The following ITPKC variants were observed in gnomAD, a reference collection of about 807,000 sequenced individuals.
The protein encoded by ITPKC is inositol-trisphosphate 3-kinase C.
A neutral mutation model predicts 67.1 loss-of-function variants in ITPKC; 33 were observed. The ratio of observed to expected loss-of-function variants is 0.49; its 90% CI spans 0.37 to 0.66. The LOEUF (loss-of-function observed/expected upper bound fraction) is 0.66. Ranked by LOEUF, ITPKC falls within the 30% of genes least tolerant of loss-of-function variation. The probability of loss-of-function intolerance (pLI) is 0.00; values close to 1 mark genes in which losing one functional copy is unlikely to be tolerated. For missense variants in ITPKC, 820 were observed against 892.1 expected, an observed-to-expected ratio of 0.92 and a Z score of 1.03; for synonymous variants, 341 against 359.8, an observed-to-expected ratio of 0.95 and a Z score of 0.59.
Position 40,733,179 on chromosome 19 carries a change from C to T in ITPKC, c.1489C>T (p.Leu497=), listed in dbSNP as rs1291248346. Residue 497 remains leucine (L), a synonymous_variant, in exon 4 of 7, where the codon CTA becomes TTA. Transcript: ENST00000263370. ...GCTCAGGACCTATCTGGAAGAGGAG[C>T]TAGTGAAGGCACGGGAACGTCCCCG... ...MGSRTYLEEE[L]VKARERPRPR... 6.2e-7 allele frequency: 1 copy of T among 1,614,164 alleles called. No homozygotes were observed. Among genetic ancestry groups the T allele is most frequent in the Admixed American group, 1.7e-5 (1 of 60,030 alleles).
intron 5 of ITPKC, 145 bp downstream of exon 5, chr19:40,737,232 G>A (rs2082298803): frequency 1.6e-6 from 1 of 631,302 alleles, no homozygotes. Context: ...CTGGTGGCTT[G>A]GCAAGGCTGG....
chr19:40,735,881 G>A (rs1383513992), intron 4 of ITPKC, among the ~76,000 whole-genome samples: 1 of 152,136 alleles, frequency 6.6e-6, no homozygotes, highest in African/African-American at 2.4e-5. Flanking sequence ...CTACACACCT[G>A]GTTTCCTCTA....
intron 4 of ITPKC, among the ~76,000 whole-genome samples, chr19:40,736,685 A>T (rs1318721634): frequency 6.6e-6 from 1 of 151,980 alleles, no homozygotes; most frequent in Non-Finnish European, 1.5e-5. Flanking sequence ...TTGTATTTTT[A>T]GTAGAAACGG....
chr19:40,720,055 AC>A (rs1436924047), intron 1 of ITPKC, among the ~76,000 whole-genome samples: 1 of 151,602 alleles, frequency 6.6e-6, no homozygotes, highest in African/African-American at 2.4e-5. Context: ...TTATGACAGC[AC>A]TGAGATTGTC....
intron 1 of ITPKC, among the ~76,000 whole-genome samples, chr19:40,718,640 CTG>C: frequency 6.6e-6 from 1 of 152,304 alleles, no homozygotes; most frequent in South Asian, 2.1e-4. Context: ...GGTCTGACAT[CTG>C]TCTAATCCTC....
Position 40,739,488 on chromosome 19 carries a change from C to T in ITPKC, c.1980C>T (p.Gly660=). 1 of 1,613,588 alleles carries T rather than the reference C, an allele frequency of 6.2e-7. No homozygotes were observed. Among genetic ancestry groups the T allele is most frequent in the Non-Finnish European group, 8.5e-7 (1 of 1,180,000 alleles). ...TLSHRLPWAE[G]NREDGYLWGL... is the part of the protein sequence containing the mutation. ...GCCACAGGCTGCCCTGGGCTGAGGG[C>T]AACCGTGAGGACGGCTACCTCTGGG... The change falls in exon 7 of 7, where the codon GGC becomes GGT. Residue 660 remains glycine, a synonymous_variant. Transcript: ENST00000263370.
chr19:40,721,791 G>GA (rs1280392790), intron 1 of ITPKC, among the ~76,000 whole-genome samples: 1 of 152,096 alleles, frequency 6.6e-6, no homozygotes, highest in Non-Finnish European at 1.5e-5. Flanking sequence ...CCTGAGCCCA[G>GA]AAATTTGAGA....
Position 40,729,195 on chromosome 19 carries a change from C to T in ITPKC, c.1256-7C>T. 1 of 1,612,276 alleles carries T rather than the reference C, an allele frequency of 6.2e-7. No individual in the cohort carries two copies. The highest frequency in any genetic ancestry group is 8.5e-7 in the Non-Finnish European group (1 of 1,178,422). ...CCTGATCCTCTCATTTATTCTACCA[C>T]CTTTAGGGAACTTCCAGGCAGGAGA... On this transcript the variant is annotated splice_region_variant and splice_polypyrimidine_tract_variant and intron_variant, in intron 2 of 6. Coordinates refer to ENST00000263370, the MANE Select transcript of ITPKC (RefSeq NM_025194.3).
intron 4 of ITPKC, among the ~76,000 whole-genome samples, chr19:40,734,054 T>C (rs2082283549): frequency 6.6e-6 from 1 of 152,220 alleles, no homozygotes; most frequent in South Asian, 2.1e-4. Context: ...ACTTTGTCAG[T>C]TTCTTGTATT....
intron 1 of ITPKC, among the ~76,000 whole-genome samples, chr19:40,721,292 G>A (rs565024701): frequency 1.4e-3 from 216 of 152,110 alleles, no homozygotes; most frequent in Non-Finnish European, 2.4e-3. Context: ...GCTTCCTGGA[G>A]GAAGGGGCAT....
intron 3 of ITPKC, among the ~76,000 whole-genome samples, chr19:40,729,882 C>T (rs115864706): frequency 0.012 from 1,789 of 152,290 alleles, 42 homozygotes; most frequent in African/African-American, 0.041. Context: ...AGATTCTCAC[C>T]GGTGCTTGGT....
intron 2 of ITPKC, 30 bp from the exon 3 acceptor site, chr19:40,729,172 T>C: frequency 6.3e-7 from 1 of 1,575,584 alleles, no homozygotes; most frequent in Non-Finnish European, 8.7e-7. Flanking sequence ...ATCCAGTTCC[T>C]GATCCTCTCA....
At chr19:40,727,134 A>G (rs2082249635) in intron 2 of ITPKC, among the ~76,000 whole-genome samples, 2 of 152,120 alleles carry the variant, frequency 1.3e-5, no homozygotes, top group African/African-American at 2.4e-5. Context: ...GGAGATCGAG[A>G]CCATCCTGGC....
At chr19:40,739,294 T>C in intron 6 of ITPKC, 63 bp from the exon 7 acceptor site, 1 of 1,254,350 alleles carries the variant, frequency 8.0e-7, no homozygotes, top group East Asian at 2.4e-5. Context: ...CTCTGCTGCC[T>C]GTCAGGAAGG....
chr19:40,719,429 C>G (rs1222739835), intron 1 of ITPKC, among the ~76,000 whole-genome samples: 1 of 151,906 alleles, frequency 6.6e-6, no homozygotes, highest in African/African-American at 2.4e-5. Context: ...ATGTTTAGCC[C>G]TGTGCTAAGT....
At chr19:40,719,169 G>A (rs1377072136) in intron 1 of ITPKC, among the ~76,000 whole-genome samples, 1 of 152,112 alleles carries the variant, frequency 6.6e-6, no homozygotes, top group Non-Finnish European at 1.5e-5. Context: ...GCTGGAGTCT[G>A]CCCTGAGCCC....
In ITPKC at chr19:40,739,655, C is replaced by G; in HGVS notation, c.*95C>G. 8.9e-7 allele frequency: 1 copy of G among 1,125,710 alleles called. No homozygotes were observed. Among genetic ancestry groups the G allele is most frequent in the Non-Finnish European group, 1.3e-6 (1 of 786,484 alleles). The allele number at this position is 1,125,710 out of a possible 1,614,324, so 69.7% of individuals were successfully genotyped here. ...AGGCCTGAGGTTGGCCACGGGGGAG[C>G]TGGCCTCCAGGGACGGGAGAGATTG... On this transcript the variant is annotated 3_prime_UTR_variant, in exon 7 of 7. Coordinates refer to ENST00000263370, the MANE Select transcript of ITPKC (RefSeq NM_025194.3).
At chr19:40,724,730 C>T (rs563006448) in intron 1 of ITPKC, among the ~76,000 whole-genome samples, 1 of 152,274 alleles carries the variant, frequency 6.6e-6, no homozygotes, top group East Asian at 1.9e-4. Context: ...AGGTGGACTG[C>T]TTGAGGTCAG....
At chr19:40,728,708 T>C (rs1019511071) in intron 2 of ITPKC, among the ~76,000 whole-genome samples, 2 of 152,134 alleles carry the variant, frequency 1.3e-5, no homozygotes, top group Non-Finnish European at 2.9e-5. Flanking sequence ...ATTCGCCCTT[T>C]CCTTACCAAC....
Sources: gnomAD v4.1 joint callset for allele counts (sites outside exome capture counted in the v4.1 genomes callset) on GRCh38, gnomAD v4.1.1 for gene constraint, MANE v1.5 for transcripts, NCBI Gene and HGNC (gene_info 2026-07-23, HGNC 2026-07-21) for gene names.